The following SLC39A12 variants were observed in gnomAD, a reference collection of about 807,000 sequenced individuals.
SLC39A12 encodes the protein solute carrier family 39 member 12.
SLC39A12 carries 63 observed loss-of-function variants against 71.1 expected under a neutral mutation model. The observed-to-expected ratio is 0.89, with a 90% CI of 0.72 to 1.09. The LOEUF (loss-of-function observed/expected upper bound fraction) is 1.09. SLC39A12 is among the 50% of genes least tolerant of loss of function. The probability of loss-of-function intolerance (pLI) is 0.00; values close to 1 mark genes in which losing one functional copy is unlikely to be tolerated. For missense variants in SLC39A12, 892 were observed against 812.6 expected (o/e 1.10, Z -1.19); for synonymous variants, 351 against 301.3 (o/e 1.16, Z -1.71).
rs150899414 is a variant in SLC39A12 at position 18,019,570 on chromosome 10, T to C, written c.1947+16212T>C. Among the ~76,000 whole-genome samples the C allele has an allele frequency of 1.1e-3, 174 of 152,178 alleles. 2 individuals are homozygous for C. In the East Asian group the frequency reaches 0.029, roughly 25 times the overall value. On this transcript the variant is annotated intron_variant, in intron 12 of 12. Coordinates refer to ENST00000377369, the MANE Select transcript of SLC39A12 (RefSeq NM_001145195.2). ...GCTCTGAATTTTCATTTGAGCACAC[T>C]TTCACTCTTATCTCACACATTTTGA...
At chr10:18,026,792 G>A (rs1836690012) in intron 12 of SLC39A12, among the ~76,000 whole-genome samples, 1 of 151,946 alleles carries the variant, frequency 6.6e-6, no homozygotes, top group African/African-American at 2.4e-5. Flanking sequence ...CTTTAGCCAT[G>A]TCTAATCTAC....
At chr10:18,011,006 CTCTTTTCTTCTT>C (rs1279458534) in intron 12 of SLC39A12, among the ~76,000 whole-genome samples, 1 of 152,182 alleles carries the variant, frequency 6.6e-6, no homozygotes, top group Non-Finnish European at 1.5e-5. Context: ...CATTTCGTTT[CTCTTTTCTTCTT>C]TCTTTTCTTT....
At chr10:18,020,400 GA>G (rs1202087904) in intron 12 of SLC39A12, among the ~76,000 whole-genome samples, 1 of 152,004 alleles carries the variant, frequency 6.6e-6, no homozygotes, top group African/African-American at 2.4e-5. Flanking sequence ...CTATGTCTTT[GA>G]TACTGTGTAT....
intron 8 of SLC39A12, among the ~76,000 whole-genome samples, chr10:17,992,603 G>T (rs565919909): frequency 6.6e-6 from 1 of 152,072 alleles, no homozygotes; most frequent in Admixed American, 6.5e-5. Flanking sequence ...AACATTTCTG[G>T]GTTGGGAAAA....
intron 4 of SLC39A12, among the ~76,000 whole-genome samples, chr10:17,975,477 C>T (rs1347155159): frequency 6.6e-6 from 1 of 152,174 alleles, no homozygotes; most frequent in Non-Finnish European, 1.5e-5. Context: ...AGAGCTAGGA[C>T]CTGGAAACAG....
At position 17,993,226 on chromosome 10, in the gene SLC39A12, C is replaced by T; in HGVS notation, c.1468C>T (p.Leu490Phe). 6.4e-7 allele frequency: 1 copy of T among 1,551,884 alleles called. No individual in the cohort carries two copies. Among genetic ancestry groups the T allele is most frequent in the South Asian group, 1.2e-5 (1 of 84,032 alleles). ...TGGGCACGTGGGTCATTCCCACCAT[C>T]TTGCACTCAACTCTGAATTAAGTGA... ...VNGHVGHSHH[L>F]ALNSELSDQA... The change falls in exon 9 of 13, where the codon CTT (leucine) becomes TTT (phenylalanine). Residue 490 changes from leucine to phenylalanine, a missense_variant. Coordinates refer to ENST00000377369, the MANE Select transcript of SLC39A12 (RefSeq NM_001145195.2).
At chr10:17,977,497 T>C (rs1378349435) in intron 4 of SLC39A12, among the ~76,000 whole-genome samples, 1 of 152,212 alleles carries the variant, frequency 6.6e-6, no homozygotes, top group Non-Finnish European at 1.5e-5. Flanking sequence ...TTAAATTGAC[T>C]GCCATACCAT....
At chr10:18,000,593 G>T (rs1835805477) in intron 10 of SLC39A12, 74 bp from the exon 11 acceptor site, 36 of 1,391,976 alleles carry the variant, frequency 2.6e-5, no homozygotes, top group Non-Finnish European at 3.5e-5. Context: ...TGGGAAGGTT[G>T]GTTGGTTTTG....
chr10:17,987,844 G>A (rs1022333386), intron 7 of SLC39A12, among the ~76,000 whole-genome samples, 193 bp downstream of exon 7: 1 of 152,104 alleles, frequency 6.6e-6, no homozygotes, highest in African/African-American at 2.4e-5. Context: ...CCCAACATTA[G>A]GCTCGCCACA....
intron 2 of SLC39A12, among the ~76,000 whole-genome samples, chr10:17,958,294 G>A (rs1353444346): frequency 2.0e-5 from 3 of 152,118 alleles, no homozygotes; most frequent in Non-Finnish European, 2.9e-5. Flanking sequence ...ATGGCCCCAT[G>A]AGCGTCCTAC....
At chr10:18,005,853 A>G (rs1035649611) in intron 12 of SLC39A12, 1 of 65,248 alleles carries the variant, frequency 1.5e-5, no homozygotes, top group African/African-American at 3.9e-5. Context: ...GAAAGACAGG[A>G]AAAAAAAAAA....
At chr10:17,974,026 G>T (rs1835042905) in intron 4 of SLC39A12, among the ~76,000 whole-genome samples, 1 of 151,160 alleles carries the variant, frequency 6.6e-6, no homozygotes, top group South Asian at 2.1e-4. Context: ...CAGTATGCCA[G>T]TTGCATTTTT....
At chr10:17,997,242 G>A (rs899058053) in intron 10 of SLC39A12, among the ~76,000 whole-genome samples, 1 of 152,128 alleles carries the variant, frequency 6.6e-6, no homozygotes, top group Admixed American at 6.5e-5. Context: ...AATAAGCATG[G>A]TCTTTATTCT....
At position 17,953,464 on chromosome 10, in the gene SLC39A12, G is replaced by A. The variant is rs1554847391; in HGVS notation, c.188G>A (p.Ser63Asn). The A allele has an allele frequency of 1.2e-6, 2 of 1,614,184 alleles. No homozygotes were observed. Among genetic ancestry groups the A allele is most frequent in the South Asian group, 1.1e-5 (1 of 91,072 alleles). ...CACCCACCCCACAACCACTCAAGAA[G>A]CCTCATCAAAACATTGTTGGAGAAA... ...GDHPPHNHSRSLIKTLLEKTG... is the reference protein window; with the variant it reads ...GDHPPHNHSRNLIKTLLEKTG... Residue 63 changes from serine (S) to asparagine (N), a missense_variant, in exon 2 of 13, where the codon AGC (serine) becomes AAC (asparagine). By Grantham distance (46) the Ser-to-Asn change is conservative. Transcript: ENST00000377369.
chr10:17,970,971 G>A (rs1411651706), intron 4 of SLC39A12, among the ~76,000 whole-genome samples: 5 of 152,112 alleles, frequency 3.3e-5, no homozygotes, highest in East Asian at 1.9e-4. Flanking sequence ...GTTGAGATAT[G>A]TTCCTTCTAT....
intron 12 of SLC39A12, among the ~76,000 whole-genome samples, chr10:18,023,092 C>T (rs1244511132): frequency 1.3e-5 from 2 of 152,102 alleles, no homozygotes; most frequent in Non-Finnish European, 1.5e-5. Context: ...CAGCTTGGCC[C>T]TCTGGGGCTG....
Position 17,965,564 on chromosome 10 carries a change from G to C in SLC39A12, c.625G>C (p.Ala209Pro). 1 of 1,614,168 alleles carries C rather than the reference G, an allele frequency of 6.2e-7. No homozygotes were observed. The highest frequency in any genetic ancestry group is 1.1e-5 in the South Asian group (1 of 91,080). The stretch of plus-strand genomic sequence containing the variant: ...TAATGAAAGTACGCTTCCTCAGTTG[G>C]CAGCCATGATCATTACTTTGTCCCT... Reference protein sequence around the residue: ...GANESTLPQLAAMIITLSLQG... With the variant: ...GANESTLPQLPAMIITLSLQG... Residue 209 changes from alanine to proline, a missense_variant, in exon 4 of 13, where the codon GCA (alanine) becomes CCA (proline). Coordinates refer to ENST00000377369, the MANE Select transcript of SLC39A12 (RefSeq NM_001145195.2).
chr10:17,983,976 G>T (rs1158671278), intron 6 of SLC39A12, among the ~76,000 whole-genome samples: 1 of 152,168 alleles, frequency 6.6e-6, no homozygotes, highest in South Asian at 2.1e-4. Context: ...AAACTCAACC[G>T]CTAAGCACCA....
Position 18,003,372 on chromosome 10 carries a change from C to T in SLC39A12, c.1947+14C>T. On this transcript the variant is annotated intron_variant, in intron 12 of 12. Coordinates refer to ENST00000377369, the MANE Select transcript of SLC39A12 (RefSeq NM_001145195.2). ...TTGGTTGAAATGGTAAGCTTGGTGG[C>T]TTTTCTATTTGATTTTTCTAAGCAC... 6.3e-7 allele frequency: 1 copy of T among 1,585,366 alleles called. No homozygotes were observed. Among genetic ancestry groups the T allele is most frequent in the Non-Finnish European group, 8.6e-7 (1 of 1,169,394 alleles).
Sources: gnomAD v4.1 joint callset for allele counts (sites outside exome capture counted in the v4.1 genomes callset) on GRCh38, gnomAD v4.1.1 for gene constraint, MANE v1.5 for transcripts, NCBI Gene and HGNC (gene_info 2026-07-23, HGNC 2026-07-21) for gene names.